The following ABCA6 variants were observed in gnomAD, a reference collection of about 807,000 sequenced individuals.
ABCA6 encodes the protein ATP binding cassette subfamily A member 6.
Under a neutral mutation model 191.2 loss-of-function variants are expected in ABCA6, and 164 were observed. That is an observed-to-expected ratio of 0.86 (90% CI 0.76 to 0.98). The LOEUF (loss-of-function observed/expected upper bound fraction) is 0.98. Ranked by LOEUF, ABCA6 falls within the 50% of genes least tolerant of loss-of-function variation. The probability of loss-of-function intolerance (pLI) is 0.00; values close to 1 mark genes in which losing one functional copy is unlikely to be tolerated. For synonymous variants in ABCA6, 636 were observed against 647.7 expected (o/e 0.98, Z 0.27); for missense variants, 1,958 against 1,894.1 (o/e 1.03, Z -0.63).
chr17:69,110,321 A>G (rs1401122317), intron 17 of ABCA6: 1 of 155,364 alleles, frequency 6.4e-6, no homozygotes, highest in Non-Finnish European at 1.4e-5. Context: ...TATTAAAAAC[A>G]CCTACCTGAG....
At chr17:69,105,804 A>G in intron 19 of ABCA6, 176 bp from the exon 20 acceptor site, 2 of 709,870 alleles carry the variant, frequency 2.8e-6, no homozygotes, top group Middle Eastern at 4.0e-4. Context: ...GCATTACTAT[A>G]TAAACACCAG....
chr17:69,106,240 A>T (rs2073301704), intron 18 of ABCA6, 29 bp from the exon 19 acceptor site: 1 of 1,568,626 alleles, frequency 6.4e-7, no homozygotes, highest in African/African-American at 1.4e-5. Flanking sequence ...ACAAACACAC[A>T]TATTATAATA....
intron 17 of ABCA6, chr17:69,110,364 T>C: frequency 6.1e-6 from 1 of 163,660 alleles, no homozygotes; most frequent in Non-Finnish European, 1.3e-5. Flanking sequence ...TATTCTAAGC[T>C]CATGTTCAGA....
intron 17 of ABCA6, 140 bp downstream of exon 17, chr17:69,110,661 A>G (rs971692849): frequency 5.3e-5 from 51 of 962,994 alleles, no homozygotes; most frequent in Admixed American, 8.9e-5. Flanking sequence ...AGTGGCACTC[A>G]ATCCTTCCTC....
chr17:69,121,023 A>G (rs925374658), intron 10 of ABCA6, among the ~76,000 whole-genome samples: 1 of 152,066 alleles, frequency 6.6e-6, no homozygotes, highest in African/African-American at 2.4e-5. Context: ...TTAGGGGAAG[A>G]GTTCCTTTGT....
intron 17 of ABCA6, 45 bp from the exon 18 acceptor site, chr17:69,107,857 A>G: frequency 9.3e-7 from 1 of 1,080,598 alleles, no homozygotes; most frequent in Non-Finnish European, 1.4e-6. Context: ...AACCACATTG[A>G]GAACTAAACC....
chr17:69,090,817 C>A (rs1391972689), intron 26 of ABCA6, among the ~76,000 whole-genome samples: 2 of 152,158 alleles, frequency 1.3e-5, no homozygotes, highest in Admixed American at 1.3e-4. Flanking sequence ...TCTGGCATTA[C>A]CCATATTTGA....
At chr17:69,088,465 A>G (rs1400090974) in intron 27 of ABCA6, among the ~76,000 whole-genome samples, 1 of 152,040 alleles carries the variant, frequency 6.6e-6, no homozygotes, top group African/African-American at 2.4e-5. Flanking sequence ...GTTTGTAAGT[A>G]AATTCTATCT....
rs2073505860 is a variant in ABCA6 at position 69,114,841 on chromosome 17, A to G, written c.1703T>C (p.Phe568Ser). 1.2e-6 allele frequency: 2 copies of G among 1,612,826 alleles called. No individual in the cohort carries two copies. Among genetic ancestry groups the G allele is most frequent in the Non-Finnish European group, 1.7e-6 (2 of 1,179,266 alleles). Residue 568 changes from phenylalanine to serine, a missense_variant, in exon 13 of 39, where the codon TTT becomes TCT. Physicochemically the swap from Phe to Ser is radical, Grantham distance 155. Transcript: ENST00000284425. Reference sequence around the variant, plus strand: ...GTTTTCCTTCACGGTGAGTATGTCAAATTGAACATTGAATTGAGGACAGAC... The same window carrying G: ...GTTTTCCTTCACGGTGAGTATGTCAGATTGAACATTGAATTGAGGACAGAC... ...TGVCPQFNVQ[F>S]DILTVKENLS...
intron 15 of ABCA6, 58 bp from the exon 16 acceptor site, chr17:69,112,331 T>C (rs973231590): frequency 5.0e-6 from 7 of 1,387,666 alleles, no homozygotes; most frequent in Non-Finnish European, 6.1e-6. Flanking sequence ...CTTTCTCTAG[T>C]AAAGAAAGAC....
In ABCA6 at chr17:69,087,444, G is replaced by C; in HGVS notation, c.3728C>G (p.Pro1243Arg). The C allele has an allele frequency of 1.2e-6, 2 of 1,613,834 alleles. No individual in the cohort carries two copies. The highest frequency in any genetic ancestry group is 1.7e-6 in the Non-Finnish European group (2 of 1,179,838). Residue 1243 changes from proline (P) to arginine (R), a missense_variant, in exon 29 of 39, where the codon CCA (proline) becomes CGA (arginine). Physicochemically the swap from Pro to Arg is moderately radical, Grantham distance 103. Transcript: ENST00000284425. ...RISPQSRDAK[P>R]NPEEPIDEDE... The stretch of plus-strand genomic sequence containing the variant: ...TTCATCTATGGGTTCTTCTGGATTT[G>C]GCTTAGCATCTCTACTTTGGGGGGA...
intron 9 of ABCA6, 111 bp from the exon 10 acceptor site, chr17:69,123,518 AT>A (rs554612202): frequency 3.4e-5 from 23 of 673,766 alleles, no homozygotes; most frequent in Non-Finnish European, 4.5e-5. Flanking sequence ...TCATAGAGAC[AT>A]TTTTTCTTCT....
intron 21 of ABCA6, 81 bp downstream of exon 21, chr17:69,102,754 T>C: frequency 7.4e-7 from 1 of 1,344,430 alleles, no homozygotes; most frequent in Non-Finnish European, 1.0e-6. Flanking sequence ...TTCTGTATAC[T>C]AGCTTTAATT....
intron 17 of ABCA6, chr17:69,109,922 A>G (rs1275160165): frequency 6.6e-6 from 1 of 152,172 alleles, no homozygotes; most frequent in Non-Finnish European, 1.5e-5. Flanking sequence ...AGTTCTCAAC[A>G]AGGAAAAAAA....
At chr17:69,112,650 G>A (rs933670437) in intron 15 of ABCA6, 9 of 178,890 alleles carry the variant, frequency 5.0e-5, no homozygotes, top group Admixed American at 1.7e-4. Flanking sequence ...CTGAAGACTC[G>A]GAAGGGTGAG....
chr17:69,082,168 ATATC>A (rs142536994), intron 36 of ABCA6, among the ~76,000 whole-genome samples: 1,810 of 152,306 alleles, frequency 0.012, 15 homozygotes, highest in Non-Finnish European at 0.019. Context: ...ACATGTTCTG[ATATC>A]TATCTTAGAA....
chr17:69,137,953 A>G (rs1409794482), intron 2 of ABCA6, among the ~76,000 whole-genome samples: 1 of 152,208 alleles, frequency 6.6e-6, no homozygotes, highest in Admixed American at 6.5e-5. Context: ...CTGTTCACCA[A>G]TGTCAATCAT....
Position 69,138,808 on chromosome 17 carries a change from T to G in ABCA6, c.97-1308A>C, listed in dbSNP as rs888093622. The stretch of plus-strand genomic sequence containing the variant: ...ATAACGCCGCATATCTACAACTATC[T>G]GATCTTTGACAAACCTGAGAAAAAC... On this transcript the variant is annotated intron_variant, in intron 2 of 38. Coordinates refer to ENST00000284425, the MANE Select transcript of ABCA6 (RefSeq NM_080284.3). Among the ~76,000 whole-genome samples the G allele has an allele frequency of 3.3e-5, 5 of 149,848 alleles. No homozygotes were observed. In the Admixed American group the frequency reaches 3.4e-4, roughly 10 times the overall value.
chr17:69,101,254 A>G (rs1025004840), intron 21 of ABCA6, among the ~76,000 whole-genome samples: 5 of 152,080 alleles, frequency 3.3e-5, no homozygotes, highest in African/African-American at 1.2e-4. Flanking sequence ...CATTTAGTAG[A>G]GTTTAAAAGT....
Sources: gnomAD v4.1 joint callset for allele counts (sites outside exome capture counted in the v4.1 genomes callset) on GRCh38, gnomAD v4.1.1 for gene constraint, MANE v1.5 for transcripts, NCBI Gene and HGNC (gene_info 2026-07-23, HGNC 2026-07-21) for gene names.